CACNA2D3: variants seen among roughly 807,000 people sequenced by gnomAD.
CACNA2D3 encodes voltage-dependent calcium channel subunit alpha-2/delta-3.
CACNA2D3 carries 60 observed loss-of-function variants against 160.6 expected under a neutral mutation model. That is an observed-to-expected ratio of 0.37 (90% CI 0.30 to 0.46). The LOEUF (loss-of-function observed/expected upper bound fraction) is 0.46. Among genes scored for constraint, CACNA2D3 ranks in the 20% least tolerant of loss-of-function variants. CACNA2D3 has a pLI of 1.00. For synonymous variants in CACNA2D3, 558 were observed against 492.9 expected (o/e 1.13, Z -1.75); for missense variants, 1,205 against 1,365.0 (o/e 0.88, Z 1.85).
intron 4 of CACNA2D3, among the ~76,000 whole-genome samples, chr3:54,451,783 T>C (rs1700312751): frequency 6.6e-6 from 1 of 152,236 alleles, no homozygotes; most frequent in African/African-American, 2.4e-5. Flanking sequence ...TTCTGCACTT[T>C]GCTTTCAAAT....
At chr3:54,646,607 ATGTGGTATG>A (rs1699657002) in intron 11 of CACNA2D3, among the ~76,000 whole-genome samples, 1 of 152,102 alleles carries the variant, frequency 6.6e-6, no homozygotes, top group Admixed American at 6.6e-5. Flanking sequence ...ACAGTGGTAT[ATGTGGTATG>A]TGTGGTATAT....
At chr3:54,495,865 A>G (rs915102947) in intron 4 of CACNA2D3, among the ~76,000 whole-genome samples, 2 of 152,220 alleles carry the variant, frequency 1.3e-5, no homozygotes, top group Admixed American at 1.3e-4. Flanking sequence ...TGCCATCACT[A>G]TTGAATAATA....
chr3:54,456,111 T>C (rs377289451), intron 4 of CACNA2D3, among the ~76,000 whole-genome samples: 18 of 152,262 alleles, frequency 1.2e-4, no homozygotes, highest in African/African-American at 4.1e-4. Context: ...TTGATAGAGA[T>C]TGCATTGAAT....
At chr3:54,967,311 C>T (rs915362301) in intron 27 of CACNA2D3, among the ~76,000 whole-genome samples, 1 of 152,148 alleles carries the variant, frequency 6.6e-6, no homozygotes, top group Admixed American at 6.5e-5. Context: ...GTTCCTGAAG[C>T]CAGCACAACA....
intron 14 of CACNA2D3, among the ~76,000 whole-genome samples, chr3:54,827,001 A>T (rs989625115): frequency 2.0e-5 from 3 of 152,214 alleles, no homozygotes; most frequent in Non-Finnish European, 4.4e-5. Context: ...TGCCTCCAAG[A>T]ACTCTAAGGA....
intron 5 of CACNA2D3, among the ~76,000 whole-genome samples, chr3:54,505,396 C>G (rs1171730578): frequency 6.6e-6 from 1 of 151,822 alleles, no homozygotes; most frequent in Non-Finnish European, 1.5e-5. Flanking sequence ...TTTCTTTTTT[C>G]CTCTTAGAGA....
chr3:54,727,530 G>C (rs2107004741), intron 11 of CACNA2D3, among the ~76,000 whole-genome samples: 1 of 152,284 alleles, frequency 6.6e-6, no homozygotes, highest in Non-Finnish European at 1.5e-5. Flanking sequence ...ATAATAGACT[G>C]GATAAAGAAA....
intron 2 of CACNA2D3, among the ~76,000 whole-genome samples, chr3:54,169,716 TGTGTGCAA>T (rs1464248375): frequency 4.6e-4 from 70 of 151,732 alleles, no homozygotes; most frequent in African/African-American, 1.6e-3. Flanking sequence ...CAAGTGTGCA[TGTGTGCAA>T]GTGTGCGTGT....
chr3:54,857,570 C>A (rs1699200181), intron 17 of CACNA2D3, among the ~76,000 whole-genome samples: 1 of 152,174 alleles, frequency 6.6e-6, no homozygotes, highest in Non-Finnish European at 1.5e-5. Context: ...GGTAACATGC[C>A]TGCACCCTGT....
At chr3:54,604,896 C>T (rs1703137561) in intron 9 of CACNA2D3, among the ~76,000 whole-genome samples, 1 of 152,166 alleles carries the variant, frequency 6.6e-6, no homozygotes, top group African/African-American at 2.4e-5. Flanking sequence ...TTCGCAAGGG[C>T]TGCTGTGATG....
chr3:54,473,102 T>C (rs538748710), intron 4 of CACNA2D3, among the ~76,000 whole-genome samples: 1 of 152,304 alleles, frequency 6.6e-6, no homozygotes, highest in East Asian at 1.9e-4. Context: ...AGAATAAAGC[T>C]GGAGGCATCA....
At chr3:54,401,868 C>G (rs1014311741) in intron 4 of CACNA2D3, among the ~76,000 whole-genome samples, 2 of 152,126 alleles carry the variant, frequency 1.3e-5, no homozygotes, top group Non-Finnish European at 2.9e-5. Context: ...ATATGATACT[C>G]TGTAAATCGT....
chr3:54,409,792 T>G (rs1030676988), intron 4 of CACNA2D3, among the ~76,000 whole-genome samples: 1 of 152,184 alleles, frequency 6.6e-6, no homozygotes, highest in Non-Finnish European at 1.5e-5. Context: ...CTCTTTTCAG[T>G]TCTATGAAGG....
At chr3:55,044,325 T>TA (rs763148403) in intron 35 of CACNA2D3, among the ~76,000 whole-genome samples, 7 of 152,334 alleles carry the variant, frequency 4.6e-5, no homozygotes, top group East Asian at 1.9e-4. Flanking sequence ...TTCCAGTTTT[T>TA]AAAACGTTAT....
intron 13 of CACNA2D3, among the ~76,000 whole-genome samples, chr3:54,797,122 T>C (rs1702880597): frequency 6.6e-6 from 1 of 152,236 alleles, no homozygotes; most frequent in African/African-American, 2.4e-5. Flanking sequence ...TGATGCTCTC[T>C]GTCTTGAAGG....
chr3:54,352,839 G>A (rs536096143), intron 3 of CACNA2D3, among the ~76,000 whole-genome samples: 14 of 152,164 alleles, frequency 9.2e-5, no homozygotes, highest in Non-Finnish European at 1.6e-4. Flanking sequence ...AATAAATTTG[G>A]TGATTTTCTT....
chr3:54,558,617 T>C (rs888360471), intron 5 of CACNA2D3, among the ~76,000 whole-genome samples: 3 of 152,186 alleles, frequency 2.0e-5, no homozygotes, highest in African/African-American at 4.8e-5. Context: ...CCCTTCTTTG[T>C]GTCCGTGTGT....
intron 2 of CACNA2D3, among the ~76,000 whole-genome samples, chr3:54,194,602 CTGGGTAATTTATGAAG>C (rs1412142121): frequency 6.6e-6 from 1 of 152,172 alleles, no homozygotes; most frequent in Non-Finnish European, 1.5e-5. Flanking sequence ...ATACCCGAGA[CTGGGTAATTTATGAAG>C]AACATGAATT....
intron 27 of CACNA2D3, among the ~76,000 whole-genome samples, chr3:54,937,715 C>T (rs562394051): frequency 6.6e-6 from 1 of 152,144 alleles, no homozygotes; most frequent in East Asian, 1.9e-4. Context: ...CAGAATTTAC[C>T]ACAGAGAGGG....
Sources: gnomAD v4.1 joint callset for allele counts (sites outside exome capture counted in the v4.1 genomes callset) on GRCh38, gnomAD v4.1.1 for gene constraint, MANE v1.5 for transcripts, NCBI Gene and HGNC (gene_info 2026-07-23, HGNC 2026-07-21) for gene names.